The following HIVEP3 variants were observed in gnomAD, a reference collection of about 807,000 sequenced individuals.
HIVEP3 encodes the protein HIVEP zinc finger 3, also known as transcription factor HIVEP3.
A neutral mutation model predicts 152.8 loss-of-function variants in HIVEP3; 49 were observed. The ratio of observed to expected loss-of-function variants is 0.32; its 90% CI spans 0.26 to 0.41. The LOEUF (loss-of-function observed/expected upper bound fraction) is 0.41, where lower values mean the gene tolerates loss of function less well. Among genes scored for constraint, HIVEP3 ranks in the 10% least tolerant of loss-of-function variants. The pLI is 1.00. For missense variants in HIVEP3, 2,790 were observed against 3,103.3 expected (o/e 0.90, Z 2.40); for synonymous variants, 1,269 against 1,289.0 (o/e 0.98, Z 0.33).
intron 1 of HIVEP3, among the ~76,000 whole-genome samples, chr1:41,831,543 A>T (rs2124356949): frequency 2.0e-5 from 3 of 152,362 alleles, no homozygotes; most frequent in Admixed American, 2.0e-4. Flanking sequence ...TTCAGATGCC[A>T]ATTTCATTAT....
In HIVEP3 at chr1:41,575,537, G is replaced by C; in HGVS notation, c.5207+7C>G. The C allele has an allele frequency of 6.2e-7, 1 of 1,613,788 alleles. No homozygotes were observed. The highest frequency in any genetic ancestry group is 1.1e-5 in the South Asian group (1 of 91,034). Reference sequence around the variant, plus strand: ...AGCAGACGATGGAAACCAAACATGAGTCTTACCCTCCTTCGAAGATTTTGA... The same window carrying C: ...AGCAGACGATGGAAACCAAACATGACTCTTACCCTCCTTCGAAGATTTTGA... On this transcript the variant is annotated splice_region_variant and intron_variant, in intron 5 of 8. Coordinates refer to ENST00000372583, the MANE Select transcript of HIVEP3 (RefSeq NM_024503.5).
At chr1:41,954,868 GC>G (rs914964873) in intron 1 of HIVEP3, among the ~76,000 whole-genome samples, 15 of 152,220 alleles carry the variant, frequency 9.9e-5, no homozygotes, top group African/African-American at 3.1e-4. Context: ...TAAAGATAAT[GC>G]ACAGAAATGG....
At position 41,581,232 on chromosome 1, in the gene HIVEP3, G is replaced by A; in HGVS notation, c.3566C>T (p.Pro1189Leu). 1 of 1,579,206 alleles carries A rather than the reference G, an allele frequency of 6.3e-7. No homozygotes were observed. Among genetic ancestry groups the A allele is most frequent in the Non-Finnish European group, 8.6e-7 (1 of 1,162,368 alleles). Residue 1189 changes from proline (P) to leucine (L), a missense_variant, in exon 4 of 9, where the codon CCA becomes CTA. By Grantham distance (98) the Pro-to-Leu change is moderately conservative. This residue lies in a region of HIVEP3 where 1,078 missense variants were observed against 1,165.3 expected (regional missense o/e 0.93). Transcript: ENST00000372583. This position sits in a 1 kb window ranked among gnomAD's most constrained non-coding sequence, Gnocchi z 4.5. ...PPLPPSLFQAPPLPLQPTVLH... is the reference protein window; with the variant it reads ...PPLPPSLFQALPLPLQPTVLH... ...AACAGTAGGCTGGAGAGGAAGCGGT[G>A]GGGCTTGAAATAAGGAGGGAGGAAG...
At chr1:41,787,659 T>C (rs1185682401) in intron 1 of HIVEP3, among the ~76,000 whole-genome samples, 1 of 151,582 alleles carries the variant, frequency 6.6e-6, no homozygotes, top group East Asian at 1.9e-4. Context: ...TCGCTGGGAC[T>C]ACAGGTGTGC....
chr1:41,533,578 A>G lies in HIVEP3; in HGVS notation c.5208-8668T>C, dbSNP rs1348785399. On this transcript the variant is annotated intron_variant, in intron 5 of 8. Coordinates refer to ENST00000372583, the MANE Select transcript of HIVEP3 (RefSeq NM_024503.5). The surrounding 1 kb of genome is among the most constrained non-coding windows in gnomAD (Gnocchi z 4.3). ...GACCAACTGTTCTTGCCAAGGTCAC[A>G]GCTTGCTCCATTGAAAGTCCATTTG... 2.6e-5 allele frequency among the ~76,000 whole-genome samples: 4 copies of G among 152,106 alleles called. No homozygotes were observed. Among genetic ancestry groups the G allele is most frequent in the African/African-American group, 7.2e-5 (3 of 41,412 alleles).
intron 5 of HIVEP3, among the ~76,000 whole-genome samples, chr1:41,569,928 T>C (rs1644227135): frequency 6.6e-6 from 1 of 152,250 alleles, no homozygotes; most frequent in Non-Finnish European, 1.5e-5. Flanking sequence ...AAATAATTTC[T>C]TTAAGGAATG....
At chr1:42,032,701 T>G (rs1258629308) in intron 1 of HIVEP3, among the ~76,000 whole-genome samples, 1 of 152,178 alleles carries the variant, frequency 6.6e-6, no homozygotes, top group East Asian at 1.9e-4. Context: ...TCTCTCTTGC[T>G]TACGGACAGG....
At chr1:41,941,960 G>A (rs1024043042) in intron 1 of HIVEP3, among the ~76,000 whole-genome samples, 3 of 152,046 alleles carry the variant, frequency 2.0e-5, no homozygotes, top group African/African-American at 7.2e-5. Context: ...TTCAGTAGGG[G>A]ACACAGGAGA....
At position 41,674,695 on chromosome 1, in the gene HIVEP3, A is replaced by C. The variant is rs561138405; in HGVS notation, c.-721+26221T>G. On this transcript the variant is annotated intron_variant, in intron 2 of 8. Transcript: ENST00000372583. ...CCCGGCTGCCGGCCACCAGGATGGAATCCTCACGCTGAGATCACATCCAGC... is the reference window on the plus strand; with the variant it reads ...CCCGGCTGCCGGCCACCAGGATGGACTCCTCACGCTGAGATCACATCCAGC... Among the ~76,000 whole-genome samples the C allele has an allele frequency of 1.8e-4, 28 of 152,288 alleles. 1 individual carries two copies. Among genetic ancestry groups the C allele is most frequent in the African/African-American group, 6.5e-4 (27 of 41,554 alleles).
intron 1 of HIVEP3, among the ~76,000 whole-genome samples, chr1:41,965,562 T>A (rs934261254): frequency 1.3e-5 from 2 of 152,074 alleles, no homozygotes; most frequent in Admixed American, 6.5e-5. Context: ...GAAAAACACA[T>A]GAGAACTTCA....
chr1:41,646,532 G>T (rs1272559614), intron 2 of HIVEP3, among the ~76,000 whole-genome samples: 1 of 152,222 alleles, frequency 6.6e-6, no homozygotes, highest in East Asian at 1.9e-4. Flanking sequence ...TGTCTGCACA[G>T]TGTGCCTGCA....
intron 2 of HIVEP3, among the ~76,000 whole-genome samples, chr1:41,639,836 C>T (rs1235257583): frequency 6.6e-6 from 1 of 152,154 alleles, no homozygotes; most frequent in Non-Finnish European, 1.5e-5. Flanking sequence ...GTAGCTGACT[C>T]ACGGATGAGT....
chr1:41,982,725 G>A (rs1327707374), intron 1 of HIVEP3, among the ~76,000 whole-genome samples: 1 of 152,112 alleles, frequency 6.6e-6, no homozygotes, highest in African/African-American at 2.4e-5. Flanking sequence ...TAGAATAGGA[G>A]GTGTATTATT....
intron 1 of HIVEP3, among the ~76,000 whole-genome samples, chr1:41,704,018 A>G (rs1404269379): frequency 6.6e-6 from 1 of 152,212 alleles, no homozygotes; most frequent in East Asian, 1.9e-4. Flanking sequence ...CTAGTTGTAT[A>G]CTTACCTCCT....
chr1:41,859,199 T>C (rs1570683553), intron 1 of HIVEP3, among the ~76,000 whole-genome samples: 1 of 152,146 alleles, frequency 6.6e-6, no homozygotes, highest in Non-Finnish European at 1.5e-5. Flanking sequence ...TAGTCTCCCC[T>C]GTGGCATGGA....
intron 2 of HIVEP3, among the ~76,000 whole-genome samples, chr1:41,630,138 A>C (rs1183908470): frequency 6.6e-6 from 1 of 152,238 alleles, no homozygotes; most frequent in Non-Finnish European, 1.5e-5. Flanking sequence ...TCATGGATGC[A>C]CCTGGAGGCC....
intron 1 of HIVEP3, among the ~76,000 whole-genome samples, chr1:41,867,555 C>T (rs779401171): frequency 6.6e-6 from 1 of 152,176 alleles, no homozygotes; most frequent in African/African-American, 2.4e-5. Context: ...TACTAGGCCG[C>T]AGGATGGCCT....
intron 1 of HIVEP3, among the ~76,000 whole-genome samples, chr1:42,001,103 T>C (rs1645425568): frequency 6.6e-6 from 1 of 152,198 alleles, no homozygotes; most frequent in Non-Finnish European, 1.5e-5. Flanking sequence ...CCAGAGTCTG[T>C]GCTCTTTACC....
chr1:41,837,823 C>T (rs1171884170), intron 1 of HIVEP3, among the ~76,000 whole-genome samples: 1 of 152,204 alleles, frequency 6.6e-6, no homozygotes, highest in Non-Finnish European at 1.5e-5. Context: ...ACCTGCCTGC[C>T]TGGCCAGTAT....
Sources: gnomAD v4.1 joint callset for allele counts (sites outside exome capture counted in the v4.1 genomes callset) on GRCh38, gnomAD v4.1.1 for gene constraint, gnomAD v4.1.1 regional missense constraint, Gnocchi (gnomAD v3.1) non-coding constraint, MANE v1.5 for transcripts, NCBI Gene and HGNC (gene_info 2026-07-23, HGNC 2026-07-21) for gene names.